The following CUX1 variants were observed in gnomAD, a reference collection of about 807,000 sequenced individuals.
CUX1 encodes the protein cut like homeobox 1.
A neutral mutation model predicts 158.8 loss-of-function variants in CUX1; 31 were observed. That is an observed-to-expected ratio of 0.20 (90% CI 0.15 to 0.26). CUX1 has a LOEUF of 0.26. CUX1 is among the 10% of genes least tolerant of loss of function. The pLI, the probability that CUX1 is intolerant of heterozygous loss-of-function variation, is 1.00. For missense variants in CUX1, 1,589 were observed against 2,014.6 expected (o/e 0.79, Z 4.04); for synonymous variants, 879 against 862.1 (o/e 1.02, Z -0.34).
chr7:102,210,621 T>C (rs1489130648), intron 20 of CUX1, among the ~76,000 whole-genome samples: 2 of 152,344 alleles, frequency 1.3e-5, no homozygotes, highest in East Asian at 3.9e-4. Context: ...GGTGGAAGGA[T>C]GGTCCCCTGC....
At chr7:102,151,905 C>T (rs1418153948) in intron 8 of CUX1, among the ~76,000 whole-genome samples, 1 of 151,596 alleles carries the variant, frequency 6.6e-6, no homozygotes, top group Non-Finnish European at 1.5e-5. Flanking sequence ...AAGAATACCT[C>T]CTTAGAAAAA....
At chr7:102,216,633 C>A (rs1344360461) in intron 20 of CUX1, among the ~76,000 whole-genome samples, 9 of 102,330 alleles carry the variant, frequency 8.8e-5, no homozygotes, top group African/African-American at 1.2e-4. Context: ...ACACACACCC[C>A]CACACACGCA....
intron 2 of CUX1, among the ~76,000 whole-genome samples, chr7:102,006,946 A>T (rs1424292384): frequency 6.6e-6 from 1 of 152,180 alleles, no homozygotes; most frequent in Non-Finnish European, 1.5e-5. Flanking sequence ...CCCACACAAA[A>T]GTGTATTTCT....
At position 102,282,796 on chromosome 7, in the gene CUX1, C is replaced by T. The variant is rs782612125; in HGVS notation, c.1967+20C>T. On this transcript the variant is annotated intron_variant, in intron 22 of 22. Coordinates refer to the CUX1 transcript ENST00000292538. ...CAAGAAGTGAGGACCCCCACTTGGG[C>T]CCCCCCTCAGCCCCACAGCGAGCTC... 1,637 of 1,401,064 alleles carry T rather than the reference C, an allele frequency of 1.2e-3. 2 individuals are homozygous for T. The highest frequency in any genetic ancestry group is 1.1e-3 in the Non-Finnish European group (1,133 of 1,040,708). 86.8% of individuals were successfully genotyped at this position (1,401,064 alleles called of 1,614,324 possible).
rs782562542 is a variant in CUX1 at position 102,132,292 on chromosome 7, AGTGT to A, written c.674+17033_674+17036del. Among the ~76,000 whole-genome samples, 173 of 103,402 alleles carry A rather than the reference AGTGT, an allele frequency of 1.7e-3. 2 individuals carry two copies. Among genetic ancestry groups the A allele is most frequent in the African/African-American group, 6.5e-3 (153 of 23,548 alleles). The allele number at this position is 103,402 out of a possible 152,430, so 67.8% of individuals were successfully genotyped here. A position where few individuals can be genotyped will look rare whatever the true frequency, so the allele number is the denominator to read the frequency against. ...TATTTGCAATATATATGAGAGAGAG[AGTGT>A]GTGTGTGTGTGTGCGCGCGCGCGCG... On this transcript the variant is annotated intron_variant, in intron 8 of 23. Transcript: ENST00000292535.
Position 102,197,148 on chromosome 7 carries a change from G to A in CUX1, c.1737G>A (p.Leu579=), listed in dbSNP as rs1794883865. 5.6e-6 allele frequency: 9 copies of A among 1,614,128 alleles called. No homozygotes were observed. In the Admixed American group the frequency reaches 1.2e-4, roughly 21 times the overall value. The stretch of plus-strand genomic sequence containing the variant: ...AACGTATTTTCGGACATTATGTGTT[G>A]GGACTGTCTCAAGGGTCCGTGAGCG... ...IGQRIFGHYV[L]GLSQGSVSEI... is the part of the protein sequence containing the mutation. The change falls in exon 15 of 24, where the codon TTG becomes TTA. Residue 579 remains leucine, a synonymous_variant. Coordinates refer to ENST00000292535, the MANE Select transcript of CUX1 (RefSeq NM_181552.4).
chr7:101,927,106 C>T (rs1805679286), intron 2 of CUX1, among the ~76,000 whole-genome samples: 1 of 151,718 alleles, frequency 6.6e-6, no homozygotes, highest in Non-Finnish European at 1.5e-5. Context: ...GTGTTTTGAT[C>T]TTAAGAATGC....
intron 9 of CUX1, among the ~76,000 whole-genome samples, chr7:102,160,260 A>C (rs411624): frequency 0.97 from 147,753 of 152,162 alleles, 71,765 homozygotes; most frequent in East Asian, 1. Flanking sequence ...CACCGACTCC[A>C]CCTCTCTCCT....
intron 1 of CUX1, among the ~76,000 whole-genome samples, chr7:101,914,372 CTCCCTCCCTCCCTCCCTCCCTCTT>C (rs1563001987): frequency 9.7e-6 from 1 of 103,464 alleles, no homozygotes; most frequent in East Asian, 7.3e-4. Flanking sequence ...CCTTCCTTCC[CTCCCTCCCTCCCTCCCTCCCTCTT>C]TCCCTCCCTC....
At chr7:102,047,595 T>G (rs150429649) in intron 3 of CUX1, among the ~76,000 whole-genome samples, 1,920 of 150,300 alleles carry the variant, frequency 0.013, 18 homozygotes, top group Non-Finnish European at 0.019. Flanking sequence ...GAGGGAGGGA[T>G]GGATGGATGG....
intron 18 of CUX1, among the ~76,000 whole-genome samples, chr7:102,279,128 G>A (rs1554548547): frequency 6.6e-6 from 1 of 152,008 alleles, no homozygotes; most frequent in African/African-American, 2.4e-5. Flanking sequence ...ATCATTTGAG[G>A]TCAGGAGTTC....
At chr7:102,221,199 G>T (rs782244591) in intron 20 of CUX1, among the ~76,000 whole-genome samples, 6 of 152,240 alleles carry the variant, frequency 3.9e-5, no homozygotes, top group African/African-American at 1.4e-4. Flanking sequence ...CAGACCAGCC[G>T]CCAGTTAAAT....
At chr7:102,173,914 T>C (rs371854587) in intron 10 of CUX1, among the ~76,000 whole-genome samples, 4 of 151,902 alleles carry the variant, frequency 2.6e-5, no homozygotes, top group African/African-American at 9.7e-5. Context: ...GGAGCAAACA[T>C]AGGAAACTGG....
At chr7:102,098,336 G>A (rs771646183) in intron 5 of CUX1, among the ~76,000 whole-genome samples, 2 of 152,212 alleles carry the variant, frequency 1.3e-5, no homozygotes, top group African/African-American at 2.4e-5. Flanking sequence ...TTGGGGCCAC[G>A]TGCGGTGGTT....
intron 23 of CUX1, among the ~76,000 whole-genome samples, chr7:102,243,224 T>C (rs782127582): frequency 5.3e-5 from 8 of 152,012 alleles, no homozygotes; most frequent in Non-Finnish European, 1.0e-4. Flanking sequence ...CAGTGAGCCA[T>C]GATCATACCA....
intron 2 of CUX1, among the ~76,000 whole-genome samples, chr7:101,999,872 A>G (rs1429759141): frequency 2.6e-5 from 4 of 152,128 alleles, no homozygotes; most frequent in African/African-American, 7.2e-5. Flanking sequence ...TGGTTTTATC[A>G]GTGGCATGCG....
At chr7:101,822,721 C>T (rs907711106) in intron 1 of CUX1, among the ~76,000 whole-genome samples, 4 of 152,002 alleles carry the variant, frequency 2.6e-5, no homozygotes, top group Non-Finnish European at 1.5e-5. Flanking sequence ...GCCAACATGG[C>T]AAAACCTCAT....
chr7:102,034,137 C>T (rs1479044493), intron 3 of CUX1, among the ~76,000 whole-genome samples: 1 of 37,958 alleles, frequency 2.6e-5, no homozygotes, highest in Non-Finnish European at 4.6e-5. Flanking sequence ...CAGAGCGAGA[C>T]TCCATCTCAA....
At chr7:101,997,810 T>C (rs1054668055) in intron 2 of CUX1, among the ~76,000 whole-genome samples, 2 of 151,616 alleles carry the variant, frequency 1.3e-5, no homozygotes, top group Non-Finnish European at 2.9e-5. Context: ...GCCACAGCTC[T>C]TGGGATCCTC....
Sources: gnomAD v4.1 joint callset for allele counts (sites outside exome capture counted in the v4.1 genomes callset) on GRCh38, gnomAD v4.1.1 for gene constraint, MANE v1.5 for transcripts, NCBI Gene and HGNC (gene_info 2026-07-23, HGNC 2026-07-21) for gene names.